The following BARX2 variants were observed in gnomAD, a reference collection of about 807,000 sequenced individuals.
BARX2 encodes BARX homeobox 2.
A neutral mutation model predicts 25.5 loss-of-function variants in BARX2; 11 were observed. The observed-to-expected ratio is 0.43, with a 90% CI of 0.27 to 0.71. The LOEUF (loss-of-function observed/expected upper bound fraction) is 0.71, where lower values mean the gene tolerates loss of function less well. BARX2 is among the 30% of genes least tolerant of loss of function. BARX2 has a pLI of 0.19. For missense variants in BARX2, 360 were observed against 359.9 expected (o/e 1.00, Z 0.00); for synonymous variants, 137 against 149.5 (o/e 0.92, Z 0.61).
chr11:129,382,657 G>A (rs190499264), intron 1 of BARX2, among the ~76,000 whole-genome samples: 42 of 152,190 alleles, frequency 2.8e-4, no homozygotes, highest in Non-Finnish European at 1.0e-4. Context: ...GACTCAGGTG[G>A]GATGCATAAA....
intron 1 of BARX2, among the ~76,000 whole-genome samples, chr11:129,392,397 A>T (rs1246162164): frequency 2.0e-5 from 3 of 152,252 alleles, no homozygotes; most frequent in African/African-American, 7.2e-5. Flanking sequence ...AAGGTCGATT[A>T]ATGTCAGAGG....
At chr11:129,405,524 G>A (rs1861820692) in intron 1 of BARX2, among the ~76,000 whole-genome samples, 1 of 151,934 alleles carries the variant, frequency 6.6e-6, no homozygotes, top group East Asian at 1.9e-4. Context: ...GATACTTTTA[G>A]TTCAGGCCAT....
At chr11:129,387,122 C>G (rs1315608763) in intron 1 of BARX2, among the ~76,000 whole-genome samples, 1 of 152,030 alleles carries the variant, frequency 6.6e-6, no homozygotes, top group African/African-American at 2.4e-5. Context: ...GTCGCACACT[C>G]TGGCTGGGAT....
intron 2 of BARX2, 99 bp downstream of exon 2, chr11:129,437,150 G>A: frequency 3.8e-6 from 5 of 1,300,398 alleles, no homozygotes; most frequent in Non-Finnish European, 5.1e-6. Flanking sequence ...GGTACAGTGA[G>A]GCAGGACACT....
At chr11:129,400,046 C>T (rs1287592517) in intron 1 of BARX2, among the ~76,000 whole-genome samples, 1 of 152,098 alleles carries the variant, frequency 6.6e-6, no homozygotes, top group Non-Finnish European at 1.5e-5. Context: ...GAGACTTGGT[C>T]GTTGATTAGA....
At chr11:129,447,821 G>C (rs1212420372) in intron 3 of BARX2, among the ~76,000 whole-genome samples, 1 of 152,088 alleles carries the variant, frequency 6.6e-6, no homozygotes. Flanking sequence ...TTACTACATG[G>C]GGCAACTTAC....
intron 3 of BARX2, among the ~76,000 whole-genome samples, chr11:129,444,237 A>AC (rs199669809): frequency 2.1e-4 from 32 of 151,570 alleles, no homozygotes; most frequent in East Asian, 1.4e-3. Context: ...AAAAAAAAAA[A>AC]CAAAATAAGT....
chr11:129,447,974 C>T (rs1174644181), intron 3 of BARX2, among the ~76,000 whole-genome samples: 1 of 152,198 alleles, frequency 6.6e-6, no homozygotes, highest in East Asian at 1.9e-4. Context: ...ATACAGGGAA[C>T]GTCTTCTCCC....
chr11:129,409,897 T>A (rs1338316232), intron 1 of BARX2, among the ~76,000 whole-genome samples: 1 of 152,210 alleles, frequency 6.6e-6, no homozygotes, highest in African/African-American at 2.4e-5. Flanking sequence ...TTTCTACCAA[T>A]TGGATATTAC....
chr11:129,398,704 A>C (rs1332010761), intron 1 of BARX2, among the ~76,000 whole-genome samples: 2 of 152,234 alleles, frequency 1.3e-5, no homozygotes, highest in Non-Finnish European at 2.9e-5. Context: ...TGGTTCATCC[A>C]TCATTTGGTT....
chr11:129,436,479 G>A lies in BARX2; in HGVS notation c.188-272G>A. 2.6e-6 allele frequency: 1 copy of A among 387,820 alleles called. No homozygotes were observed. The highest frequency in any genetic ancestry group is 4.6e-6 in the Non-Finnish European group (1 of 219,426). 24.0% of individuals were successfully genotyped at this position (387,820 alleles called of 1,614,324 possible). On this transcript the variant is annotated intron_variant, in intron 1 of 3. Coordinates refer to ENST00000281437, the MANE Select transcript of BARX2 (RefSeq NM_003658.5). This position sits in a 1 kb window ranked among gnomAD's most constrained non-coding sequence, Gnocchi z 4.5. ...CAAGAATTTAGGGATTCCGAAGGGA[G>A]AGAGGGGAAAGATCTGCTTAAAACC...
intron 1 of BARX2, among the ~76,000 whole-genome samples, chr11:129,397,917 CTA>C (rs570071443): frequency 1.6e-3 from 243 of 152,332 alleles, no homozygotes; most frequent in African/African-American, 5.6e-3. Context: ...TTTCTGAACA[CTA>C]TGTTGAATAC....
chr11:129,415,396 G>A (rs1333891000), intron 1 of BARX2, among the ~76,000 whole-genome samples: 1 of 152,120 alleles, frequency 6.6e-6, no homozygotes, highest in Non-Finnish European at 1.5e-5. Flanking sequence ...AGCAAAGCCT[G>A]CAGGATGCCA....
intron 3 of BARX2, among the ~76,000 whole-genome samples, chr11:129,447,262 T>C (rs1166171263): frequency 6.6e-6 from 1 of 152,078 alleles, no homozygotes; most frequent in African/African-American, 2.4e-5. Flanking sequence ...AAAGATCCGG[T>C]CTTAACACCC....
chr11:129,428,778 C>T (rs887695860), intron 1 of BARX2, among the ~76,000 whole-genome samples: 6 of 152,252 alleles, frequency 3.9e-5, no homozygotes, highest in African/African-American at 9.6e-5. Flanking sequence ...TGCCTCATTG[C>T]GATTCTATTT....
intron 1 of BARX2, among the ~76,000 whole-genome samples, chr11:129,379,678 G>C (rs773625341): frequency 6.6e-6 from 1 of 151,924 alleles, no homozygotes; most frequent in Non-Finnish European, 1.5e-5. Context: ...AATTTGAGGC[G>C]TGTTGAGAAA....
At chr11:129,396,247 T>C (rs1351682435) in intron 1 of BARX2, among the ~76,000 whole-genome samples, 1 of 152,208 alleles carries the variant, frequency 6.6e-6, no homozygotes, top group Admixed American at 6.5e-5. Flanking sequence ...ACTAAACTGC[T>C]CGTGTTTCTT....
In BARX2 at chr11:129,412,000, C is replaced by T. The variant is rs189845486; in HGVS notation, c.188-24751C>T. On this transcript the variant is annotated intron_variant, in intron 1 of 3. Transcript: ENST00000281437. ...CAAAGAAGTAGTTTATGGCCGGGCA[C>T]GGTGGCTCACACCTGTAATCCCAGC... is the stretch of plus-strand genomic sequence containing the variant. 5.0e-3 allele frequency among the ~76,000 whole-genome samples: 764 copies of T among 152,214 alleles called. 3 individuals are homozygous for T. The highest frequency in any genetic ancestry group is 0.018 in the African/African-American group (731 of 41,524).
At chr11:129,375,736 G>T (rs867175602), upstream of BARX2, among the ~76,000 whole-genome samples, 1 of 152,056 alleles carries the variant, frequency 6.6e-6, no homozygotes, top group Non-Finnish European at 1.5e-5. This position sits in a 1 kb window ranked among gnomAD's most constrained non-coding sequence, Gnocchi z 4.0. Flanking sequence ...GCGGGCGGGG[G>T]CGGGGTGGGC....
Sources: allele counts gnomAD v4.1 joint callset (sites outside exome capture counted in the v4.1 genomes callset), GRCh38; gene constraint gnomAD v4.1.1; non-coding constraint Gnocchi (gnomAD v3.1); transcripts MANE v1.5; gene names NCBI Gene and HGNC (gene_info 2026-07-23, HGNC 2026-07-21).